The following MYH7B variants were observed in gnomAD, a reference collection of about 807,000 sequenced individuals.
MYH7B encodes the protein myosin heavy chain 7B.
In MYH7B, 205 loss-of-function variants were observed where a neutral mutation model predicts 234.5. That is an observed-to-expected ratio of 0.87 (90% confidence interval 0.78 to 0.98). The LOEUF is 0.98. MYH7B is among the 50% of genes least tolerant of loss of function. MYH7B has a pLI of 0.00. For synonymous variants in MYH7B, 1,193 were observed against 1,105.0 expected (o/e 1.08, Z -1.58); for missense variants, 2,652 against 2,633.4 (o/e 1.01, Z -0.15).
chr20:34,995,128 C>G (rs185282058), intron 27 of MYH7B, among the ~76,000 whole-genome samples: 1 of 152,384 alleles, frequency 6.6e-6, no homozygotes, highest in Admixed American at 6.5e-5. Context: ...CCGCCCCGCA[C>G]TTCTAACTTT....
Position 34,961,158 on chromosome 20 carries a change from T to C in MYH7B, c.-222+2946T>C, listed in dbSNP as rs559984569. ...GGTTAGAAAGGGGAGATAACTTACTTATAGACCCTCTTCTCCACTTGTTAT... is the reference window on the plus strand; with the variant it reads ...GGTTAGAAAGGGGAGATAACTTACTCATAGACCCTCTTCTCCACTTGTTAT... On this transcript the variant is annotated intron_variant, in intron 2 of 44. Coordinates refer to ENST00000262873, the Ensembl canonical transcript of MYH7B. Among the ~76,000 whole-genome samples the C allele has an allele frequency of 5.9e-5, 9 of 152,318 alleles. 1 individual carries two copies. The South Asian group carries it at 1.9e-3, about 32-fold the overall frequency.
intron 2 of MYH7B, among the ~76,000 whole-genome samples, chr20:34,971,225 T>C (rs2081790875): frequency 6.6e-6 from 1 of 152,190 alleles, no homozygotes; most frequent in Non-Finnish European, 1.5e-5. Flanking sequence ...TTTCCCCAGC[T>C]GTCCAATGAG....
intron 30 of MYH7B, 134 bp from the exon 31 acceptor site, chr20:34,996,949 C>T: frequency 7.8e-7 from 1 of 1,281,740 alleles, no homozygotes; most frequent in Admixed American, 2.3e-5. Flanking sequence ...AGGGCTGAGG[C>T]CTCAGGGCCC....
chr20:34,999,213 G>C, exon 36 of MYH7B: 1 of 1,612,268 alleles, frequency 6.2e-7, no homozygotes, highest in Non-Finnish European at 8.5e-7. Flanking sequence ...TGCTGCGCTG[G>C]ACAAGAAGCA....
intron 24 of MYH7B, among the ~76,000 whole-genome samples, chr20:34,992,561 GTT>G (rs71196773): frequency 5.1e-5 from 6 of 118,298 alleles, no homozygotes; most frequent in Non-Finnish European, 5.1e-5. Flanking sequence ...CCAAGGTTGT[GTT>G]TTTTTTTTTT....
chr20:34,969,118 A>G (rs1380449313), intron 2 of MYH7B, among the ~76,000 whole-genome samples: 4 of 151,978 alleles, frequency 2.6e-5, no homozygotes, highest in Non-Finnish European at 5.9e-5. Flanking sequence ...GCATAGACAC[A>G]TCTTGTCCAC....
chr20:35,000,193 A>T, intron 38 of MYH7B, 100 bp from the exon 39 acceptor site: 1 of 1,402,262 alleles, frequency 7.1e-7, no homozygotes, highest in Non-Finnish European at 9.6e-7. Context: ...GGGGTGACTC[A>T]TTTGTTCTCA....
rs199627813 is a variant in MYH7B, at chr20:34,993,402, G to A, written c.2376G>A (p.Leu792=). The change falls in exon 26 of 45, where the codon CTG becomes CTA. Residue 792 remains leucine, a synonymous_variant. Coordinates refer to ENST00000262873, the Ensembl canonical transcript of MYH7B. ...GTGACCAGCGCCTGGCCAAGGTGCT[G>A]ACGCTGCTGCAGGCGCGGAGCCGTG... The A allele has an allele frequency of 1.7e-4, 269 of 1,613,274 alleles. 1 individual carries two copies. In the African/African-American group the frequency reaches 3.2e-3, roughly 19 times the overall value.
chr20:34,996,880 C>T (rs1380772865), intron 30 of MYH7B, 122 bp downstream of exon 30: 2 of 1,401,758 alleles, frequency 1.4e-6, no homozygotes, highest in East Asian at 4.8e-5. Context: ...ACAGATGGGG[C>T]ACTGGGGTGC....
rs71196770 is a variant in MYH7B at position 34,957,484 on chromosome 20, C to CTTTT, written c.-336-596_-336-593dup. ...CCCAGGGACCAAGATCCTTTTGACT[C>CTTTT]TTTTTTTTTTTTTTTTTTTTTGAGA... is the stretch of plus-strand genomic sequence containing the variant. On this transcript the variant is annotated intron_variant, in intron 1 of 44. Coordinates refer to ENST00000262873, the Ensembl canonical transcript of MYH7B. 6.4e-3 allele frequency among the ~76,000 whole-genome samples: 662 copies of CTTTT among 104,108 alleles called. 1 individual carries two copies. The highest frequency in any genetic ancestry group is 9.3e-3 in the Non-Finnish European group (490 of 52,686). 68.3% of individuals were successfully genotyped at this position (104,108 alleles called of 152,430 possible).
Position 35,000,970 on chromosome 20 carries a change from G to GCTC in MYH7B, c.5305-10_5305-8dup. The GCTC allele has an allele frequency of 6.2e-7, 1 of 1,613,520 alleles. No individual in the cohort carries two copies. The highest frequency in any genetic ancestry group is 8.5e-7 in the Non-Finnish European group (1 of 1,179,802). Reference sequence around the variant, plus strand: ...TTCCCTGAGGCTGGGCACCTGACCAGCTCCTCCTCCCCAACAGGCGGCCAT... The same window carrying GCTC: ...TTCCCTGAGGCTGGGCACCTGACCAGCTCCTCCTCCTCCCCAACAGGCGGCCAT... On this transcript the variant is annotated splice_polypyrimidine_tract_variant and intron_variant, in intron 40 of 44. Coordinates refer to ENST00000262873, the Ensembl canonical transcript of MYH7B.
Position 35,001,368 on chromosome 20 carries a change from C to A in MYH7B, c.5580+19C>A, listed in dbSNP as rs1277989408. On this transcript the variant is annotated intron_variant, in intron 42 of 44. Coordinates refer to ENST00000262873, the Ensembl canonical transcript of MYH7B. Reference sequence around the variant, plus strand: ...ATACCAGGTGGGCGACAGGGTCTCCCTGGGGAGTGGCCCTGGAGCTGGCCC... The same window carrying A: ...ATACCAGGTGGGCGACAGGGTCTCCATGGGGAGTGGCCCTGGAGCTGGCCC... 1.2e-6 allele frequency: 2 copies of A among 1,600,678 alleles called. No individual in the cohort carries two copies. Among genetic ancestry groups the A allele is most frequent in the Admixed American group, 3.5e-5 (2 of 57,058 alleles).
chr20:34,956,941 G>C (rs2081642908), intron 1 of MYH7B, among the ~76,000 whole-genome samples: 1 of 152,208 alleles, frequency 6.6e-6, no homozygotes, highest in African/African-American at 2.4e-5. Context: ...TGTAATCCCA[G>C]CTACTCGGGA....
At chr20:34,990,347 G>A (rs551725666) in intron 22 of MYH7B, 37 bp downstream of exon 22, 2 of 1,611,492 alleles carry the variant, frequency 1.2e-6, no homozygotes, top group Admixed American at 1.7e-5. Context: ...CTCCCTCTTG[G>A]CAGCCTCCAG....
chr20:34,991,677 A>G (rs2082153732), intron 24 of MYH7B, among the ~76,000 whole-genome samples: 2 of 152,170 alleles, frequency 1.3e-5, no homozygotes, highest in African/African-American at 4.8e-5. Flanking sequence ...CACCTGGCAC[A>G]TAGCAAGCAC....
intron 36 of MYH7B, 55 bp downstream of exon 36, chr20:34,999,460 T>C (rs555384671): frequency 9.8e-5 from 149 of 1,522,240 alleles, no homozygotes; most frequent in Non-Finnish European, 1.3e-4. Context: ...GGAGCAACTT[T>C]GAGTTATGGG....
intron 2 of MYH7B, among the ~76,000 whole-genome samples, chr20:34,973,685 G>T (rs1048750478): frequency 6.6e-6 from 1 of 152,228 alleles, no homozygotes; most frequent in Non-Finnish European, 1.5e-5. Flanking sequence ...TCCTGTCGCT[G>T]CCCATGGATC....
intron 40 of MYH7B, 37 bp downstream of exon 40, chr20:35,000,930 G>A: frequency 1.2e-6 from 2 of 1,610,680 alleles, no homozygotes; most frequent in Non-Finnish European, 8.5e-7. Context: ...GCCTGGGACA[G>A]AATTGCAGAG....
chr20:34,993,465 A>C (rs772540205), exon 26 of MYH7B: 10 of 1,597,390 alleles, frequency 6.3e-6, no homozygotes, highest in Non-Finnish European at 7.7e-6. Context: ...GCCTGCTGGG[A>C]GGCAGGTGGG....
Sources: gnomAD v4.1 joint callset for allele counts (sites outside exome capture counted in the v4.1 genomes callset) on GRCh38, gnomAD v4.1.1 for gene constraint, MANE v1.5 for transcripts, NCBI Gene and HGNC (gene_info 2026-07-23, HGNC 2026-07-21) for gene names.